MLLT3: variants seen among roughly 807,000 people sequenced by gnomAD.
MLLT3 encodes protein AF-9.
In MLLT3, 4 loss-of-function variants were observed where a neutral mutation model predicts 53.2. The ratio of observed to expected loss-of-function variants is 0.08; its 90% CI spans 0.04 to 0.17. MLLT3 has a LOEUF of 0.17. MLLT3 is among the 10% of genes least tolerant of loss of function. The pLI is 1.00. For synonymous variants in MLLT3, 283 were observed against 230.6 expected (o/e 1.23, Z -2.06); for missense variants, 569 against 684.0 (o/e 0.83, Z 1.87).
chr9:20,389,849 A>G (rs1290731012), intron 5 of MLLT3, among the ~76,000 whole-genome samples: 1 of 152,234 alleles, frequency 6.6e-6, no homozygotes, highest in Non-Finnish European at 1.5e-5. Context: ...CTGTATTTAA[A>G]CAAAGTTGCA....
rs1219379840 is a variant in MLLT3 at position 20,516,351 on chromosome 9, C to T, written c.194-59565G>A. Among the ~76,000 whole-genome samples, 4 of 152,324 alleles carry T rather than the reference C, an allele frequency of 2.6e-5. No homozygotes were observed. In the East Asian group the frequency reaches 5.8e-4, roughly 22 times the overall value. On this transcript the variant is annotated intron_variant, in intron 2 of 10. Transcript: ENST00000380338. ...ATATGTAGAAAAGCACAACACTCTACATGTATACACACTAAAATACTTTAA... is the reference window on the plus strand; with the variant it reads ...ATATGTAGAAAAGCACAACACTCTATATGTATACACACTAAAATACTTTAA...
chr9:20,403,369 G>C (rs913354074), intron 5 of MLLT3, among the ~76,000 whole-genome samples: 3 of 152,196 alleles, frequency 2.0e-5, no homozygotes, highest in African/African-American at 7.2e-5. Context: ...AGACCACAGA[G>C]CTGTTAATGT....
intron 4 of MLLT3, among the ~76,000 whole-genome samples, chr9:20,421,115 T>C (rs1822997448): frequency 6.6e-6 from 1 of 151,982 alleles, no homozygotes; most frequent in South Asian, 2.1e-4. Context: ...AATACAAAAA[T>C]TAGCCGGGCC....
chr9:20,502,076 C>A, intron 2 of MLLT3, among the ~76,000 whole-genome samples: 1 of 99,856 alleles, frequency 1.0e-5, no homozygotes. Flanking sequence ...AGCGAAACTC[C>A]ATCTCAAAAA....
At chr9:20,590,337 G>C (rs1289737640) in intron 2 of MLLT3, among the ~76,000 whole-genome samples, 1 of 152,132 alleles carries the variant, frequency 6.6e-6, no homozygotes, top group South Asian at 2.1e-4. Context: ...TGCTGATATG[G>C]GTTGCATGTG....
chr9:20,558,034 C>T (rs996708361), intron 2 of MLLT3, among the ~76,000 whole-genome samples: 1 of 152,140 alleles, frequency 6.6e-6, no homozygotes, highest in Non-Finnish European at 1.5e-5. Flanking sequence ...GTTGTTCAGG[C>T]CTACAGTTGG....
chr9:20,497,938 T>G (rs1409042580), intron 2 of MLLT3, among the ~76,000 whole-genome samples: 1 of 152,080 alleles, frequency 6.6e-6, no homozygotes, highest in Non-Finnish European at 1.5e-5. Flanking sequence ...AAAAGAACTC[T>G]TCTATGGGTG....
At chr9:20,488,401 C>T (rs960274571) in intron 2 of MLLT3, among the ~76,000 whole-genome samples, 1 of 151,858 alleles carries the variant, frequency 6.6e-6, no homozygotes, top group African/African-American at 2.4e-5. Context: ...AAGAAAAAAA[C>T]TAATAATCAA....
At chr9:20,488,992 T>C (rs994088800) in intron 2 of MLLT3, among the ~76,000 whole-genome samples, 19 of 152,232 alleles carry the variant, frequency 1.2e-4, no homozygotes, top group African/African-American at 4.6e-4. Context: ...TATTTCATTT[T>C]ATCTGTCTTC....
intron 7 of MLLT3, chr9:20,362,684 T>A (rs1191705728): frequency 6.8e-6 from 1 of 148,102 alleles, no homozygotes; most frequent in African/African-American, 2.5e-5. Context: ...AGCATCGGTC[T>A]CTCCAGTTTG....
intron 2 of MLLT3, among the ~76,000 whole-genome samples, chr9:20,582,940 A>G (rs1451464136): frequency 6.6e-6 from 1 of 152,096 alleles, no homozygotes; most frequent in Non-Finnish European, 1.5e-5. Flanking sequence ...ACATTTTAAA[A>G]CCAACCATGC....
chr9:20,359,876 G>C (rs1342011566), intron 8 of MLLT3, among the ~76,000 whole-genome samples: 1 of 152,110 alleles, frequency 6.6e-6, no homozygotes, highest in Non-Finnish European at 1.5e-5. Flanking sequence ...AAAAACTTAT[G>C]GTAATGAGAG....
chr9:20,431,852 A>G (rs1011152046), intron 4 of MLLT3, among the ~76,000 whole-genome samples: 5 of 152,202 alleles, frequency 3.3e-5, no homozygotes, highest in African/African-American at 1.2e-4. Context: ...GAATAAATAA[A>G]GCAAGTCAAA....
intron 2 of MLLT3, among the ~76,000 whole-genome samples, chr9:20,470,258 G>GA (rs1000430233): frequency 5.3e-5 from 8 of 151,748 alleles, no homozygotes; most frequent in Admixed American, 2.6e-4. Context: ...TAAAAGAATA[G>GA]AAAAAAATGT....
intron 5 of MLLT3, among the ~76,000 whole-genome samples, chr9:20,409,408 T>C (rs1822667491): frequency 6.6e-6 from 1 of 152,212 alleles, no homozygotes; most frequent in Admixed American, 6.5e-5. Flanking sequence ...TGAAAGATAT[T>C]TGGTTTTTTC....
chr9:20,358,211 C>G (rs1384374501), intron 8 of MLLT3, among the ~76,000 whole-genome samples: 1 of 152,024 alleles, frequency 6.6e-6, no homozygotes, highest in Non-Finnish European at 1.5e-5. Flanking sequence ...GCTAGGAAAC[C>G]AATACTAAAC....
At chr9:20,417,838 AG>A (rs1203337332) in intron 4 of MLLT3, among the ~76,000 whole-genome samples, 3 of 152,186 alleles carry the variant, frequency 2.0e-5, no homozygotes, top group African/African-American at 7.2e-5. Flanking sequence ...GAAAAAAATC[AG>A]AACTACTGGC....
chr9:20,533,279 G>C (rs1818392300), intron 2 of MLLT3: 1 of 322,546 alleles, frequency 3.1e-6, no homozygotes, highest in East Asian at 7.4e-5. Context: ...CCTAGACTGT[G>C]GCTCACATTG....
rs902983121 is a variant in MLLT3 at position 20,344,832 on chromosome 9, T to C, written c.*1611A>G. The C allele has an allele frequency of 6.7e-5, 14 of 210,474 alleles. No homozygotes were observed. Among genetic ancestry groups the C allele is most frequent in the Admixed American group, 2.4e-4 (4 of 16,960 alleles). The allele number at this position is 210,474 out of a possible 1,614,324, so 13.0% of individuals were successfully genotyped here. On this transcript the variant is annotated 3_prime_UTR_variant, in exon 11 of 11. Coordinates refer to ENST00000380338, the MANE Select transcript of MLLT3 (RefSeq NM_004529.4). ...CTGTACAGACACTAGTTAATCTCTG[T>C]ATGAAAAGACAGCATCTGGCATGGG...
Sources: gnomAD v4.1 joint callset for allele counts (sites outside exome capture counted in the v4.1 genomes callset) on GRCh38, gnomAD v4.1.1 for gene constraint, MANE v1.5 for transcripts, NCBI Gene and HGNC (gene_info 2026-07-23, HGNC 2026-07-21) for gene names.